The following ITGA9 variants were observed in gnomAD, a reference collection of about 807,000 sequenced individuals.
The protein encoded by ITGA9 is integrin alpha-9.
A neutral mutation model predicts 127.8 loss-of-function variants in ITGA9; 56 were observed. The observed-to-expected ratio is 0.44, with a 90% CI of 0.35 to 0.55. The LOEUF (loss-of-function observed/expected upper bound fraction) is 0.55. ITGA9 is among the 20% of genes least tolerant of loss of function. The pLI is 0.00. For synonymous variants in ITGA9, 508 were observed against 514.5 expected (o/e 0.99, Z 0.17); for missense variants, 1,196 against 1,347.1 (o/e 0.89, Z 1.76).
chr3:37,675,978 A>G (rs1047526309), intron 17 of ITGA9, among the ~76,000 whole-genome samples: 3 of 151,990 alleles, frequency 2.0e-5, no homozygotes, highest in Admixed American at 2.0e-4. Context: ...TCTTGATCTC[A>G]TGATCCACCC....
intron 16 of ITGA9, among the ~76,000 whole-genome samples, chr3:37,645,772 C>T (rs1700371324): frequency 1.3e-5 from 2 of 152,126 alleles, no homozygotes; most frequent in Non-Finnish European, 2.9e-5. Context: ...ACTGATCCTC[C>T]TCTGAACATG....
intron 5 of ITGA9, among the ~76,000 whole-genome samples, chr3:37,497,711 T>C (rs1271998732): frequency 6.6e-6 from 1 of 152,214 alleles, no homozygotes; most frequent in Non-Finnish European, 1.5e-5. Flanking sequence ...TCTTCTTCCA[T>C]CTCAGCAAAC....
chr3:37,744,752 T>G (rs1039748167), intron 22 of ITGA9, among the ~76,000 whole-genome samples: 1 of 152,256 alleles, frequency 6.6e-6, no homozygotes, highest in African/African-American at 2.4e-5. Flanking sequence ...ACTTCTGTAG[T>G]TCAAAGGCAG....
At chr3:37,709,001 C>T (rs1295236525) in intron 18 of ITGA9, among the ~76,000 whole-genome samples, 2 of 151,982 alleles carry the variant, frequency 1.3e-5, no homozygotes, top group Non-Finnish European at 2.9e-5. Context: ...ATGTGTTGTA[C>T]CTTGGGCAAG....
chr3:37,769,171 T>C (rs1361683029), intron 23 of ITGA9, among the ~76,000 whole-genome samples: 2 of 151,816 alleles, frequency 1.3e-5, no homozygotes, highest in African/African-American at 2.4e-5. Context: ...AAACCCCATC[T>C]CTACTAAAAA....
intron 15 of ITGA9, among the ~76,000 whole-genome samples, chr3:37,548,498 G>A (rs1699349467): frequency 6.6e-6 from 1 of 152,170 alleles, no homozygotes; most frequent in Non-Finnish European, 1.5e-5. Context: ...GTTTCGTGGA[G>A]ATTGTTCCAT....
intron 23 of ITGA9, among the ~76,000 whole-genome samples, chr3:37,776,414 T>A (rs949979759): frequency 2.0e-5 from 3 of 152,230 alleles, no homozygotes; most frequent in Non-Finnish European, 2.9e-5. Flanking sequence ...CTTGAACAAC[T>A]ATATTTTACT....
rs1698212850 is a variant in ITGA9 at position 37,452,964 on chromosome 3, G to A, written c.185+405G>A. ...CTCCTGAACCTCGCAGGGCCTGGAG[G>A]AGTCGGGGCACTGGAGCTGCACCCC... On this transcript the variant is annotated intron_variant, in intron 1 of 27. Transcript: ENST00000264741. The surrounding 1 kb of genome is among the most constrained non-coding windows in gnomAD (Gnocchi z 7.3). Among the ~76,000 whole-genome samples, 1 of 152,224 alleles carries A rather than the reference G, an allele frequency of 6.6e-6. No homozygotes were observed.
chr3:37,675,091 T>A (rs1238819242), intron 17 of ITGA9, among the ~76,000 whole-genome samples: 1 of 152,238 alleles, frequency 6.6e-6, no homozygotes, highest in African/African-American at 2.4e-5. Context: ...TTTATATTTA[T>A]GTGCTATGCT....
intron 15 of ITGA9, among the ~76,000 whole-genome samples, chr3:37,564,059 CT>C (rs971625760): frequency 6.6e-6 from 1 of 152,156 alleles, no homozygotes; most frequent in Non-Finnish European, 1.5e-5. Context: ...TTAACGCAGG[CT>C]TTTTATTGCA....
chr3:37,642,744 A>G (rs981441631), intron 16 of ITGA9, among the ~76,000 whole-genome samples: 2 of 152,196 alleles, frequency 1.3e-5, no homozygotes, highest in African/African-American at 4.8e-5. Context: ...AAAGTGAGCT[A>G]TTTTAGTCTA....
chr3:37,607,794 C>T (rs1374871542), intron 15 of ITGA9, among the ~76,000 whole-genome samples: 2 of 152,170 alleles, frequency 1.3e-5, no homozygotes, highest in Non-Finnish European at 2.9e-5. Context: ...GAAACAACAT[C>T]GTGCCCAGAA....
intron 17 of ITGA9, among the ~76,000 whole-genome samples, chr3:37,661,541 A>G (rs929032997): frequency 2.0e-5 from 3 of 152,208 alleles, no homozygotes; most frequent in African/African-American, 7.2e-5. Flanking sequence ...GCCAGGGACA[A>G]TGTGAGGGAA....
intron 17 of ITGA9, among the ~76,000 whole-genome samples, chr3:37,672,533 A>G (rs895310242): frequency 1.3e-5 from 2 of 152,212 alleles, no homozygotes; most frequent in Non-Finnish European, 2.9e-5. Context: ...GTATATCTTT[A>G]TTAGCAGTAT....
chr3:37,601,125 T>C (rs1464039674), intron 15 of ITGA9, among the ~76,000 whole-genome samples: 3 of 152,156 alleles, frequency 2.0e-5, no homozygotes, highest in African/African-American at 7.2e-5. Flanking sequence ...ACCAGCGACT[T>C]TGTGAGATTC....
chr3:37,533,104 G>A (rs949479659), intron 13 of ITGA9, among the ~76,000 whole-genome samples: 3 of 152,144 alleles, frequency 2.0e-5, no homozygotes, highest in African/African-American at 7.2e-5. Context: ...TTATTGGGAC[G>A]CTAACTATTA....
intron 15 of ITGA9, among the ~76,000 whole-genome samples, chr3:37,617,014 G>T (rs1267276013): frequency 2.6e-5 from 4 of 152,218 alleles, no homozygotes; most frequent in African/African-American, 7.2e-5. Flanking sequence ...TATGATGTTA[G>T]CTGGTTATTT....
At chr3:37,522,101 G>A (rs1217574824) in intron 11 of ITGA9, among the ~76,000 whole-genome samples, 2 of 152,104 alleles carry the variant, frequency 1.3e-5, no homozygotes, top group Non-Finnish European at 2.9e-5. Context: ...GGATGACTCG[G>A]GAAAGAGAAG....
chr3:37,618,581 A>C (rs1011076399), intron 15 of ITGA9, among the ~76,000 whole-genome samples: 1 of 152,222 alleles, frequency 6.6e-6, no homozygotes, highest in Non-Finnish European at 1.5e-5. Flanking sequence ...AGAGGCAGGC[A>C]GACCTCCTTG....
Sources: allele counts gnomAD v4.1 joint callset (sites outside exome capture counted in the v4.1 genomes callset), GRCh38; gene constraint gnomAD v4.1.1; non-coding constraint Gnocchi (gnomAD v3.1); transcripts MANE v1.5; gene names NCBI Gene and HGNC (gene_info 2026-07-23, HGNC 2026-07-21).